Variants in ZSCAN29 observed in about 807,000 individuals in gnomAD.
ZSCAN29 encodes the protein zinc finger and SCAN domain-containing protein 29.
A neutral mutation model predicts 71.9 loss-of-function variants in ZSCAN29; 55 were observed. The ratio of observed to expected loss-of-function variants is 0.76; its 90% CI spans 0.62 to 0.96. The LOEUF (loss-of-function observed/expected upper bound fraction) is 0.96. Ranked by LOEUF, ZSCAN29 falls within the 40% of genes least tolerant of loss-of-function variation. The pLI, the probability that ZSCAN29 is intolerant of heterozygous loss-of-function variation, is 0.00. For missense variants in ZSCAN29, 1,042 were observed against 1,042.2 expected, an observed-to-expected ratio of 1.00 and a Z score of 0.00; for synonymous variants, 351 against 371.6, an observed-to-expected ratio of 0.94 and a Z score of 0.64.
rs2044031883 is a variant in ZSCAN29, at chr15:43,365,988, G to T, written c.1222+122C>A. On this transcript the variant is annotated intron_variant, in intron 4 of 5. Coordinates refer to ENST00000684362, the MANE Select transcript of ZSCAN29 (RefSeq NM_001372080.1). The stretch of plus-strand genomic sequence containing the variant: ...GAATGAAATACACACAAAGAATGGA[G>T]AAGCACTTCTTTGTTCCCTAAGTGG... 3.4e-6 allele frequency: 3 copies of T among 873,332 alleles called. No individual in the cohort carries two copies. In the South Asian group the frequency reaches 5.3e-5, roughly 15 times the overall value. 54.1% of individuals were successfully genotyped at this position (873,332 alleles called of 1,614,324 possible).
Position 43,370,975 on chromosome 15 carries a change from A to ACCCCGGCCCCCGCCCCGG in ZSCAN29, c.-531_-530insCCGGGGCGGGGGCCGGGG. The ACCCCGGCCCCCGCCCCGG allele has an allele frequency of 3.9e-6, 1 of 259,160 alleles. No homozygotes were observed. The highest frequency in any genetic ancestry group is 7.7e-6 in the Non-Finnish European group (1 of 129,460). 16.1% of individuals were successfully genotyped at this position (259,160 alleles called of 1,614,324 possible). On this transcript the variant is annotated 5_prime_UTR_variant, in exon 1 of 6. Coordinates refer to ENST00000684362, the MANE Select transcript of ZSCAN29 (RefSeq NM_001372080.1). ...CTCACCCACTCGGGGTCCGACCCTG[A>ACCCCGGCCCCCGCCCCGG]CCCCGGCCCCGGCCCCGGCCCCGGC...
chr15:43,361,042 G>A lies in ZSCAN29; in HGVS notation c.*31C>T. ...AGACTTTCTAAACAATACATTTATT[G>A]AGCCTCTTTCCGTTATATATCCTCA... is the stretch of plus-strand genomic sequence containing the variant. On this transcript the variant is annotated 3_prime_UTR_variant, in exon 6 of 6. Transcript: ENST00000684362. 1.3e-6 allele frequency: 2 copies of A among 1,541,228 alleles called. No individual in the cohort carries two copies. Among genetic ancestry groups the A allele is most frequent in the Non-Finnish European group, 1.7e-6 (2 of 1,145,248 alleles).
intron 3 of ZSCAN29, among the ~76,000 whole-genome samples, 196 bp downstream of exon 3, chr15:43,368,727 C>T (rs4583210): frequency 0.28 from 42,356 of 151,958 alleles, 9,736 homozygotes; most frequent in African/African-American, 0.63. Flanking sequence ...TTCCAAGTTC[C>T]GATAAAAACT....
At chr15:43,364,757 G>A (rs1160524276) in intron 4 of ZSCAN29, among the ~76,000 whole-genome samples, 1 of 151,810 alleles carries the variant, frequency 6.6e-6, no homozygotes, top group Non-Finnish European at 1.5e-5. Flanking sequence ...GCGTGGTGGT[G>A]TGCACCTATA....
Position 43,369,817 on chromosome 15 carries a change from G to A in ZSCAN29, c.97C>T (p.Arg33Trp). 2 of 1,614,134 alleles carry A rather than the reference G, an allele frequency of 1.2e-6. No homozygotes were observed. The highest frequency in any genetic ancestry group is 1.7e-6 in the Non-Finnish European group (2 of 1,180,046). The part of the protein sequence containing the change: ...RFHYQEVAGP[R>W]EAFSQLWELC... ...TCCCAGAGTTGGCTGAAAGCCTCCC[G>A]CGGCCCAGCCACCTCCTGGTAATGG... Residue 33 changes from arginine (R) to tryptophan (W), a missense_variant, in exon 2 of 6, where the codon CGG becomes TGG. By Grantham distance (101) the Arg-to-Trp change is moderately radical (BLOSUM62 -3). Coordinates refer to ENST00000684362, the MANE Select transcript of ZSCAN29 (RefSeq NM_001372080.1).
In ZSCAN29 at chr15:43,360,739, A is replaced by C. The variant is rs10518812; in HGVS notation, c.*334T>G. ...TGTCAAAATGCAGCTGAATGACAGA[A>C]TGAGTAAAGAAGGATGCTTATCAAA... On this transcript the variant is annotated 3_prime_UTR_variant, in exon 6 of 6. Transcript: ENST00000684362. 0.16 allele frequency: 35,073 copies of C among 214,868 alleles called. 3,248 individuals carry two copies. The highest frequency in any genetic ancestry group is 0.23 in the Middle Eastern group (114 of 502). 13.3% of individuals were successfully genotyped at this position (214,868 alleles called of 1,614,324 possible).
intron 5 of ZSCAN29, among the ~76,000 whole-genome samples, chr15:43,362,219 G>A (rs1247389010): frequency 6.6e-6 from 1 of 152,034 alleles, no homozygotes. Flanking sequence ...GTACAGCATG[G>A]AAAATCACCA....
Position 43,360,164 on chromosome 15 carries a change from T to G in ZSCAN29, c.*909A>C, listed in dbSNP as rs1048797590. 2 of 148,564 alleles carry G rather than the reference T, an allele frequency of 1.3e-5. No homozygotes were observed. The highest frequency in any genetic ancestry group is 3.0e-5 in the Non-Finnish European group (2 of 67,338). 9.2% of individuals were successfully genotyped at this position (148,564 alleles called of 1,614,324 possible). A position where few individuals can be genotyped will look rare whatever the true frequency, so the allele number is the denominator to read the frequency against. On this transcript the variant is annotated 3_prime_UTR_variant, in exon 6 of 6. Coordinates refer to ENST00000684362, the MANE Select transcript of ZSCAN29 (RefSeq NM_001372080.1). ...TTCAAAACCAGCCTGGCCAACATGG[T>G]GAAACCCCATCTCTACTAAAAATGC... is the stretch of plus-strand genomic sequence containing the variant.
Position 43,361,557 on chromosome 15 carries a change from C to T in ZSCAN29, c.2075G>A (p.Arg692Gln), listed in dbSNP as rs774446390. ...DCGKSFSRSA[R>Q]LIRHRRIHTG... ...GTGGATTCTCCGGTGTCTAATGAGT[C>T]GTGCACTCCGACTGAAGCTTTTCCC... Residue 692 changes from arginine to glutamine, a missense_variant, in exon 6 of 6, where the codon CGA (arginine) becomes CAA (glutamine). By Grantham distance (43) the Arg-to-Gln change is conservative. Coordinates refer to ENST00000684362, the MANE Select transcript of ZSCAN29 (RefSeq NM_001372080.1). 14 of 1,613,858 alleles carry T rather than the reference C, an allele frequency of 8.7e-6. No homozygotes were observed. The highest frequency in any genetic ancestry group is 6.7e-5 in the African/African-American group (5 of 74,836).
intron 3 of ZSCAN29, 29 bp from the exon 4 acceptor site, chr15:43,366,837 T>C (rs1373872573): frequency 2.4e-5 from 38 of 1,582,122 alleles, no homozygotes; most frequent in Non-Finnish European, 3.0e-5. Flanking sequence ...ACAAAAGTTG[T>C]CATAGTTTGG....
At chr15:43,367,568 C>A (rs1245167836) in intron 3 of ZSCAN29, among the ~76,000 whole-genome samples, 1 of 152,182 alleles carries the variant, frequency 6.6e-6, no homozygotes, top group East Asian at 1.9e-4. Context: ...CCCACTCTGA[C>A]AAACCCATAC....
Position 43,361,525 on chromosome 15 carries a change from C to T in ZSCAN29, c.2107G>A (p.Glu703Lys), listed in dbSNP as rs1244213597. Residue 703 changes from glutamate (E) to lysine (K), a missense_variant, in exon 6 of 6, where the codon GAG (glutamate) becomes AAG (lysine). Physicochemically the swap from Glu to Lys is moderately conservative, Grantham distance 56 (BLOSUM62 1). Transcript: ENST00000684362. ...LIRHRRIHTGEKPYKCLDCGK... is the reference protein window; with the variant it reads ...LIRHRRIHTGKKPYKCLDCGK... ...CAGTCAAGACATTTATAAGGTTTCT[C>T]TCCAGTGTGGATTCTCCGGTGTCTA... The T allele has an allele frequency of 6.2e-7, 1 of 1,614,100 alleles. No homozygotes were observed. Among genetic ancestry groups the T allele is most frequent in the African/African-American group, 1.3e-5 (1 of 74,938 alleles).
rs572551075 is a variant in ZSCAN29, at chr15:43,363,226, G to A, written c.1690+689C>T. The stretch of plus-strand genomic sequence containing the variant: ...ACTCCCGACCTCAGGTGATCTGCCC[G>A]CCTCGGCCTCCCAAAATGCTGGGAT... On this transcript the variant is annotated intron_variant, in intron 5 of 5. Transcript: ENST00000684362. Among the ~76,000 whole-genome samples the A allele has an allele frequency of 8.7e-4, 132 of 152,268 alleles. 5 individuals are homozygous for A. In the South Asian group the frequency reaches 0.026, roughly 30 times the overall value.
rs1331936692 is a variant in ZSCAN29 at position 43,364,041 on chromosome 15, C to G, written c.1564G>C (p.Ala522Pro). 6.2e-7 allele frequency: 1 copy of G among 1,614,182 alleles called. No homozygotes were observed. The change falls in exon 5 of 6, where the codon GCT becomes CCT. Residue 522 changes from alanine to proline, a missense_variant. Transcript: ENST00000684362. ...TCTGCTTCCTCAGCTTGCTTCTGAGCTTCAGCCTCACTGGTCCCCTGGACG... is the reference window on the plus strand; with the variant it reads ...TCTGCTTCCTCAGCTTGCTTCTGAGGTTCAGCCTCACTGGTCCCCTGGACG... ...CPVQGTSEAEAQKQAEEADEA... is the reference protein window; with the variant it reads ...CPVQGTSEAEPQKQAEEADEA...
rs199918730 is a variant in ZSCAN29 at position 43,368,020 on chromosome 15, TA to T, written c.523+902del. Among the ~76,000 whole-genome samples, 1,194 of 152,334 alleles carry T rather than the reference TA, an allele frequency of 7.8e-3. 24 individuals are homozygous for T. Among genetic ancestry groups the T allele is most frequent in the East Asian group, 0.062 (321 of 5,186 alleles). ...TAGGTATAAAGGCATTGGGGAAAGC[TA>T]TCAGAGTCCTGGAAGTTACCAGGTG... On this transcript the variant is annotated intron_variant, in intron 3 of 5. Coordinates refer to ENST00000684362, the MANE Select transcript of ZSCAN29 (RefSeq NM_001372080.1).
At chr15:43,369,495 CA>C in intron 2 of ZSCAN29, 100 bp downstream of exon 2, 1 of 1,338,620 alleles carries the variant, frequency 7.5e-7, no homozygotes, top group Non-Finnish European at 1.0e-6. Flanking sequence ...GTATAAGCCT[CA>C]CCAAGGGAGA....
chr15:43,362,253 T>C (rs1040415159), intron 5 of ZSCAN29, among the ~76,000 whole-genome samples: 1 of 152,234 alleles, frequency 6.6e-6, no homozygotes, highest in Non-Finnish European at 1.5e-5. Flanking sequence ...ATAATTTCCA[T>C]GTTTCTACAG....
In ZSCAN29 at chr15:43,366,595, ACACCTGC is replaced by A; in HGVS notation, c.730_736del (p.Ala244CysfsTer85). The A allele has an allele frequency of 6.2e-7, 1 of 1,614,218 alleles. No homozygotes were observed. Among genetic ancestry groups the A allele is most frequent in the Non-Finnish European group, 8.5e-7 (1 of 1,180,030 alleles). ...TCTGGTCTCTTCATAGCCCCAGTGC[ACACCTGC>A]CACCTTCTCATCTTCAAAGCTCCAG... On this transcript the variant is annotated frameshift_variant, in exon 4 of 6. Coordinates refer to ENST00000684362, the MANE Select transcript of ZSCAN29 (RefSeq NM_001372080.1). LOFTEE classifies it high-confidence loss of function.
Position 43,361,634 on chromosome 15 carries a change from G to A in ZSCAN29, c.1998C>T (p.Leu666=), listed in dbSNP as rs1436478925. The change falls in exon 6 of 6, where the codon CTC becomes CTT. Residue 666 remains leucine (L), a synonymous_variant. Coordinates refer to ENST00000684362, the MANE Select transcript of ZSCAN29 (RefSeq NM_001372080.1). ...CCACCTGGTGGGATACCTGATGCATGAGAAGGGAGTTTGGACCAAAGCTTT... is the reference window on the plus strand; with the variant it reads ...CCACCTGGTGGGATACCTGATGCATAAGAAGGGAGTTTGGACCAAAGCTTT... ...YSKSFGPNSL[L]MHQVSHQVEN... 4 of 1,614,094 alleles carry A rather than the reference G, an allele frequency of 2.5e-6. No homozygotes were observed. The highest frequency in any genetic ancestry group is 2.7e-5 in the African/African-American group (2 of 74,940).
Sources: gnomAD v4.1 joint callset for allele counts (sites outside exome capture counted in the v4.1 genomes callset) on GRCh38, gnomAD v4.1.1 for gene constraint, MANE v1.5 for transcripts, NCBI Gene and HGNC (gene_info 2026-07-23, HGNC 2026-07-21) for gene names.